LIPK: variants seen among roughly 807,000 people sequenced by gnomAD.
The protein encoded by LIPK is lipase family member K.
A neutral mutation model predicts 48.6 loss-of-function variants in LIPK; 32 were observed. The observed-to-expected ratio is 0.66, with a 90% CI of 0.50 to 0.88. The LOEUF (loss-of-function observed/expected upper bound fraction) is 0.88. Ranked by LOEUF, LIPK falls within the 40% of genes least tolerant of loss-of-function variation. The pLI, the probability that LIPK is intolerant of heterozygous loss-of-function variation, is 0.00. For missense variants in LIPK, 507 were observed against 478.5 expected, an observed-to-expected ratio of 1.06 and a Z score of -0.56; for synonymous variants, 164 against 157.4, an observed-to-expected ratio of 1.04 and a Z score of -0.32.
chr10:88,708,183 C>A (rs1841968846), intron 1 of LIPK, among the ~76,000 whole-genome samples: 2 of 151,946 alleles, frequency 1.3e-5, no homozygotes, highest in Admixed American at 6.6e-5. Context: ...GAACTTTGCC[C>A]CTAAGAAGAC....
intron 1 of LIPK, among the ~76,000 whole-genome samples, chr10:88,711,863 C>A (rs416237): frequency 0.26 from 39,319 of 151,670 alleles, 5,135 homozygotes; most frequent in Admixed American, 0.32. Context: ...GTTGTCTACC[C>A]CAAACGTGTA....
chr10:88,727,611 G>A (rs552256420), intron 3 of LIPK: 75 of 161,448 alleles, frequency 4.6e-4, no homozygotes, highest in Non-Finnish European at 8.6e-4. Flanking sequence ...CCCAGTGCTT[G>A]TATCAGAACC....
chr10:88,748,223 A>C (rs1842803006), intron 9 of LIPK, among the ~76,000 whole-genome samples: 1 of 152,152 alleles, frequency 6.6e-6, no homozygotes, highest in Admixed American at 6.5e-5. Flanking sequence ...ATGAGAACAC[A>C]TGGACACAGA....
At chr10:88,738,982 G>C (rs923037645) in intron 7 of LIPK, among the ~76,000 whole-genome samples, 1 of 152,210 alleles carries the variant, frequency 6.6e-6, no homozygotes, top group African/African-American at 2.4e-5. Flanking sequence ...TAGCTTATAA[G>C]TAGGTTAAAA....
chr10:88,732,499 A>G lies in LIPK; in HGVS notation c.617A>G (p.Tyr206Cys). The change falls in exon 6 of 10, where the codon TAC becomes TGC. Residue 206 changes from tyrosine to cysteine, a missense_variant. Physicochemically the swap from Tyr to Cys is radical, Grantham distance 194. Transcript: ENST00000404190. Reference protein sequence around the residue: ...FALAPVVTVKYTQSPMKKLTT... With the variant: ...FALAPVVTVKCTQSPMKKLTT... ...CTGGCTCCAGTTGTCACAGTTAAAT[A>G]CACCCAAAGTCCTATGAAAAAACTA... 1 of 1,613,838 alleles carries G rather than the reference A, an allele frequency of 6.2e-7. No individual in the cohort carries two copies.
intron 9 of LIPK, among the ~76,000 whole-genome samples, chr10:88,748,616 CAAA>C (rs56692405): frequency 5.3e-4 from 56 of 106,562 alleles, no homozygotes; most frequent in South Asian, 2.0e-3. Context: ...GACTCCGTCT[CAAA>C]AAAAAAAAAA....
At chr10:88,716,616 C>T (rs1188960654) in intron 1 of LIPK, among the ~76,000 whole-genome samples, 1 of 152,128 alleles carries the variant, frequency 6.6e-6, no homozygotes, top group Non-Finnish European at 1.5e-5. Context: ...CTCGGCCTCC[C>T]AAAGTGCTGG....
rs192293805 is a variant in LIPK at position 88,722,085 on chromosome 10, G to C, written c.-11-2448G>C. 9.3e-4 allele frequency among the ~76,000 whole-genome samples: 142 copies of C among 152,274 alleles called. 2 individuals carry two copies. In the East Asian group the frequency reaches 0.016, roughly 17 times the overall value. ...GGCCAAGGTGGGTGGATCAGCAGGAGTCAGGAGTTCGAGACCAGCCTGACC... is the reference window on the plus strand; with the variant it reads ...GGCCAAGGTGGGTGGATCAGCAGGACTCAGGAGTTCGAGACCAGCCTGACC... On this transcript the variant is annotated intron_variant, in intron 1 of 9. Coordinates refer to ENST00000404190, the MANE Select transcript of LIPK (RefSeq NM_001080518.2).
rs781770443 is a variant in LIPK, at chr10:88,726,861, A to G, written c.172A>G (p.Ile58Val). 24 of 1,607,824 alleles carry G rather than the reference A, an allele frequency of 1.5e-5. No individual in the cohort carries two copies. In the South Asian group the frequency reaches 2.4e-4, roughly 16 times the overall value. The part of the protein sequence containing the change: ...EYDVTTKDGY[I>V]LGIYRIPHGR... ...TGATGTTACAACAAAAGATGGTTAT[A>G]TCCTTGGAATTTATAGGATTCCACA... is the stretch of plus-strand genomic sequence containing the variant. The change falls in exon 3 of 10, where the codon ATC (isoleucine) becomes GTC (valine). Residue 58 changes from isoleucine to valine, a missense_variant. Ile to Val is a conservative substitution (Grantham distance 29). Transcript: ENST00000404190.
At chr10:88,712,164 T>G (rs910241254) in intron 1 of LIPK, among the ~76,000 whole-genome samples, 2 of 152,228 alleles carry the variant, frequency 1.3e-5, no homozygotes, top group African/African-American at 4.8e-5. Flanking sequence ...TTTGTAATTT[T>G]CAGTGTAAAG....
At chr10:88,725,075 A>G (rs1459817837) in intron 2 of LIPK, among the ~76,000 whole-genome samples, 2 of 152,248 alleles carry the variant, frequency 1.3e-5, no homozygotes, top group African/African-American at 4.8e-5. Flanking sequence ...TCATATCAGA[A>G]GTGGAATGGA....
chr10:88,710,119 C>T (rs980634192), intron 1 of LIPK, among the ~76,000 whole-genome samples: 2 of 151,694 alleles, frequency 1.3e-5, no homozygotes, highest in South Asian at 2.1e-4. Flanking sequence ...ATGGACTTAT[C>T]TACAAGATTA....
intron 7 of LIPK, among the ~76,000 whole-genome samples, chr10:88,739,565 G>T (rs1842639794): frequency 1.3e-5 from 2 of 152,224 alleles, no homozygotes; most frequent in South Asian, 4.1e-4. Flanking sequence ...CTTAAAGAAA[G>T]GGAAAAGACG....
chr10:88,733,815 A>G (rs183987098), intron 6 of LIPK, among the ~76,000 whole-genome samples: 2 of 152,348 alleles, frequency 1.3e-5, no homozygotes, highest in Admixed American at 1.3e-4. Flanking sequence ...AAAGATATCT[A>G]GGAGCTACTA....
chr10:88,716,868 G>T (rs200423747), intron 1 of LIPK, among the ~76,000 whole-genome samples: 2 of 127,776 alleles, frequency 1.6e-5, no homozygotes, highest in Non-Finnish European at 3.3e-5. Context: ...GTATGGATTT[G>T]GATTTTTTTT....
chr10:88,718,123 A>T (rs1437520027), intron 1 of LIPK, among the ~76,000 whole-genome samples: 1 of 151,632 alleles, frequency 6.6e-6, no homozygotes, highest in African/African-American at 2.4e-5. Flanking sequence ...TGCATTCTAC[A>T]TTCCCACATT....
intron 9 of LIPK, among the ~76,000 whole-genome samples, chr10:88,746,370 A>G (rs1422171723): frequency 4.6e-5 from 7 of 151,282 alleles, no homozygotes; most frequent in Non-Finnish European, 8.8e-5. Flanking sequence ...TCGACCACAC[A>G]CTCAACCATA....
intron 9 of LIPK, among the ~76,000 whole-genome samples, chr10:88,745,004 G>A (rs1035198135): frequency 3.3e-5 from 5 of 152,140 alleles, no homozygotes; most frequent in Non-Finnish European, 5.9e-5. Flanking sequence ...ATTAATAGCA[G>A]AATAGACCAA....
chr10:88,735,764 A>G (rs1842559198), intron 6 of LIPK, among the ~76,000 whole-genome samples: 1 of 152,236 alleles, frequency 6.6e-6, no homozygotes, highest in Admixed American at 6.5e-5. Flanking sequence ...TCCAGAGCCA[A>G]CTTGGAATTA....
Sources: allele counts gnomAD v4.1 joint callset (sites outside exome capture counted in the v4.1 genomes callset), GRCh38; gene constraint gnomAD v4.1.1; transcripts MANE v1.5; gene names NCBI Gene and HGNC (gene_info 2026-07-23, HGNC 2026-07-21).